The following CSMD2 variants were observed in gnomAD, a reference collection of about 807,000 sequenced individuals.
CSMD2 encodes CUB and sushi domain-containing protein 2.
Under a neutral mutation model 398.5 loss-of-function variants are expected in CSMD2, and 130 were observed. That is an observed-to-expected ratio of 0.33 (90% CI 0.28 to 0.38). The LOEUF is 0.38. Ranked by LOEUF, CSMD2 falls within the 10% of genes least tolerant of loss-of-function variation. The probability of loss-of-function intolerance (pLI) is 1.00; values close to 1 mark genes in which losing one functional copy is unlikely to be tolerated. For synonymous variants in CSMD2, 1,828 were observed against 1,908.5 expected (o/e 0.96, Z 1.10); for missense variants, 3,829 against 4,764.9 (o/e 0.80, Z 5.78).
At chr1:33,921,832 G>T (rs1643949474) in intron 4 of CSMD2, among the ~76,000 whole-genome samples, 1 of 152,146 alleles carries the variant, frequency 6.6e-6, no homozygotes, top group South Asian at 2.1e-4. Flanking sequence ...AGATGATTTG[G>T]TCCCATAGTA....
chr1:34,043,789 G>GAACACCTGCTT (rs1553294225), intron 2 of CSMD2, among the ~76,000 whole-genome samples: 1 of 152,154 alleles, frequency 6.6e-6, no homozygotes, highest in Non-Finnish European at 1.5e-5. Flanking sequence ...GGTTTATGCT[G>GAACACCTGCTT]AACACCTGCT....
intron 1 of CSMD2, among the ~76,000 whole-genome samples, chr1:34,130,491 C>T (rs1415094712): frequency 1.3e-5 from 2 of 149,622 alleles, no homozygotes; most frequent in African/African-American, 2.5e-5. Context: ...GGAGGGGAAG[C>T]GTGGGTAGAC....
At chr1:33,957,966 CATGT>C (rs1021410540) in intron 3 of CSMD2, among the ~76,000 whole-genome samples, 1 of 151,444 alleles carries the variant, frequency 6.6e-6, no homozygotes, top group African/African-American at 2.4e-5. Flanking sequence ...TGCACGCACG[CATGT>C]GTGTGTGTTG....
upstream of CSMD2, chr1:34,165,783 T>C (rs1641835489): frequency 6.2e-7 from 1 of 1,613,876 alleles, no homozygotes; most frequent in African/African-American, 1.3e-5. Context: ...ACTTGCCATC[T>C]AGGGCCGGGG....
At chr1:33,689,070 AAGAAGGAGGGAAGGAG>A (rs1645148768) in intron 25 of CSMD2, among the ~76,000 whole-genome samples, 3 of 144,044 alleles carry the variant, frequency 2.1e-5, no homozygotes, top group Admixed American at 1.4e-4. Context: ...GGGAGTGGGA[AAGAAGGAGGGAAGGAG>A]AGGAGGAGAG....
rs561102440 is a variant in CSMD2 at position 33,651,696 on chromosome 1, G to T, written c.4586+627C>A. Among the ~76,000 whole-genome samples, 345 of 152,292 alleles carry T rather than the reference G, an allele frequency of 2.3e-3. 2 individuals are homozygous for T. Among genetic ancestry groups the T allele is most frequent in the African/African-American group, 7.7e-3 (322 of 41,552 alleles). ...AAAAAGCAGTCTAAGGATGGAAAGG[G>T]TGATCAAGAGGTGGAGTGGATAAAA... On this transcript the variant is annotated intron_variant, in intron 28 of 70. Coordinates refer to ENST00000373381, the MANE Select transcript of CSMD2 (RefSeq NM_001281956.2).
rs199656240 is a variant in CSMD2, at chr1:33,714,617, G to A, written c.3376C>T (p.Leu1126=). 9.9e-6 allele frequency: 16 copies of A among 1,613,940 alleles called. No homozygotes were observed. The African/African-American group carries it at 1.7e-4, about 17-fold the overall frequency. The change falls in exon 21 of 71, where the codon CTG becomes TTG. Residue 1126 remains leucine, a synonymous_variant. Coordinates refer to ENST00000373381, the MANE Select transcript of CSMD2 (RefSeq NM_001281956.2). ...RITCLGGRRR[L]WSSPLPRCVA... The stretch of plus-strand genomic sequence containing the variant: ...CACCTTGGCAGAGGCGAGCTCCACA[G>A]GCGCCGTCTGCCCCCCAGGCACGTG...
At chr1:33,620,443 A>G (rs1641695300) in intron 37 of CSMD2, among the ~76,000 whole-genome samples, 1 of 152,200 alleles carries the variant, frequency 6.6e-6, no homozygotes, top group African/African-American at 2.4e-5. Context: ...GGGACAACAC[A>G]TGAAATGTCA....
chr1:33,995,589 T>C (rs1383634095), intron 3 of CSMD2, among the ~76,000 whole-genome samples: 2 of 152,164 alleles, frequency 1.3e-5, no homozygotes, highest in African/African-American at 2.4e-5. Flanking sequence ...TCCAAAGGTC[T>C]GAGATCCTGC....
At chr1:33,940,688 C>G (rs1165742583) in intron 3 of CSMD2, among the ~76,000 whole-genome samples, 1 of 152,176 alleles carries the variant, frequency 6.6e-6, no homozygotes, top group Admixed American at 6.5e-5. Context: ...TGTGAGACTG[C>G]TTCTGACAGA....
chr1:33,523,186 C>A, intron 67 of CSMD2, 121 bp downstream of exon 67: 1 of 590,814 alleles, frequency 1.7e-6, no homozygotes, highest in East Asian at 2.8e-5. Context: ...TAGGCAGGGC[C>A]CCACAGAAAA....
chr1:33,944,229 C>T (rs575987557), intron 3 of CSMD2, among the ~76,000 whole-genome samples: 2 of 149,626 alleles, frequency 1.3e-5, no homozygotes, highest in East Asian at 1.9e-4. Context: ...ATCTCAGGAA[C>T]GCCCCCCCCC....
chr1:33,843,131 C>G (rs1489699465), intron 6 of CSMD2, among the ~76,000 whole-genome samples: 1 of 152,224 alleles, frequency 6.6e-6, no homozygotes, highest in African/African-American at 2.4e-5. Flanking sequence ...CTGTGCCTCT[C>G]TTTAACCTGT....
chr1:34,000,081 T>C (rs1042159477), intron 3 of CSMD2, among the ~76,000 whole-genome samples: 2 of 152,094 alleles, frequency 1.3e-5, no homozygotes, highest in African/African-American at 4.8e-5. Context: ...CACAAACCAT[T>C]AGGCATATTT....
chr1:33,927,192 G>C (rs777381884), intron 4 of CSMD2, among the ~76,000 whole-genome samples: 13 of 152,148 alleles, frequency 8.5e-5, no homozygotes, highest in Non-Finnish European at 1.2e-4. Context: ...GCCTAAACAT[G>C]CTGGGGCCCC....
intron 3 of CSMD2, among the ~76,000 whole-genome samples, chr1:33,986,333 C>G (rs1646358751): frequency 6.6e-6 from 1 of 152,192 alleles, no homozygotes; most frequent in Non-Finnish European, 1.5e-5. Flanking sequence ...GGAAATCCTC[C>G]CTCCTTGGGT....
chr1:33,742,020 T>C (rs998767113), intron 14 of CSMD2, among the ~76,000 whole-genome samples: 1 of 152,194 alleles, frequency 6.6e-6, no homozygotes, highest in Non-Finnish European at 1.5e-5. Flanking sequence ...GATATAAAGA[T>C]AAGGAAAGCA....
Position 33,743,289 on chromosome 1 carries a change from T to A in CSMD2, c.2164A>T (p.Thr722Ser), listed in dbSNP as rs1482660958. 6.2e-7 allele frequency: 1 copy of A among 1,600,856 alleles called. No individual in the cohort carries two copies. The highest frequency in any genetic ancestry group is 1.3e-5 in the African/African-American group (1 of 74,682). The change falls in exon 14 of 71, where the codon ACT (threonine) becomes TCT (serine). Residue 722 changes from threonine (T) to serine (S), a missense_variant. Transcript: ENST00000373381. ...HSTGKRGFNI[T>S]FTTFRHNECP... ...CAGAGGGAGGACTCACTGGTAAAAG[T>A]GATGTTGAAGCCCCTCTTCCCTGTG...
At chr1:33,828,204 T>G (rs1447742987) in intron 6 of CSMD2, among the ~76,000 whole-genome samples, 1 of 152,240 alleles carries the variant, frequency 6.6e-6, no homozygotes, top group African/African-American at 2.4e-5. Context: ...AAATTTCCAA[T>G]GAACACTAAC....
Sources: gnomAD v4.1 joint callset for allele counts (sites outside exome capture counted in the v4.1 genomes callset) on GRCh38, gnomAD v4.1.1 for gene constraint, MANE v1.5 for transcripts, NCBI Gene and HGNC (gene_info 2026-07-23, HGNC 2026-07-21) for gene names.